The following FABP12 variants were observed in gnomAD, a reference collection of about 807,000 sequenced individuals.
FABP12 encodes fatty acid-binding protein 12.
Under a neutral mutation model 13.7 loss-of-function variants are expected in FABP12, and 19 were observed. The ratio of observed to expected loss-of-function variants is 1.39; its 90% confidence interval spans 0.97 to 2.04. The LOEUF (loss-of-function observed/expected upper bound fraction) is 2.04, where lower values mean the gene tolerates loss of function less well. FABP12 is among the 30% of genes most tolerant of loss of function. FABP12 has a pLI of 0.00. For synonymous variants in FABP12, 61 were observed against 57.0 expected, an observed-to-expected ratio of 1.07 and a Z score of -0.32; for missense variants, 182 against 164.2, an observed-to-expected ratio of 1.11 and a Z score of -0.59.
chr8:81,528,115 T>C (rs181379905), intron 3 of FABP12, among the ~76,000 whole-genome samples: 2 of 152,270 alleles, frequency 1.3e-5, no homozygotes, highest in East Asian at 1.9e-4. Context: ...GGTATCACTG[T>C]GTCATCCAGG....
chr8:81,583,525 C>G (rs1421516004), intron 1 of FABP12, among the ~76,000 whole-genome samples: 2 of 152,024 alleles, frequency 1.3e-5, no homozygotes, highest in African/African-American at 4.8e-5. Context: ...TAACCGATAT[C>G]ACAGAAATAC....
At chr8:81,531,936 A>C (rs6473283) in intron 1 of FABP12, among the ~76,000 whole-genome samples, 52,819 of 151,542 alleles carry the variant, frequency 0.35, 12,337 homozygotes, top group African/African-American at 0.68. Context: ...TCATGTTACA[A>C]ACACATGCAC....
At chr8:81,541,910 TAAAAAAA>T (rs1167487132) in intron 1 of FABP12, among the ~76,000 whole-genome samples, 17 of 71,154 alleles carry the variant, frequency 2.4e-4, no homozygotes, top group African/African-American at 5.8e-4. Flanking sequence ...TCCCAGGGTT[TAAAAAAA>T]AAAAAAAAAA....
intron 1 of FABP12, among the ~76,000 whole-genome samples, chr8:81,565,109 T>A (rs1483141429): frequency 1.3e-5 from 2 of 151,862 alleles, no homozygotes; most frequent in Non-Finnish European, 2.9e-5. Context: ...TGTATAATGA[T>A]AAAGGGGCCA....
upstream of FABP12, among the ~76,000 whole-genome samples, chr8:81,535,337 G>A (rs1283507654): frequency 6.6e-6 from 1 of 152,202 alleles, no homozygotes; most frequent in East Asian, 1.9e-4. Context: ...TCAAGGGATG[G>A]AGAGAGGATA....
chr8:81,589,912 T>A (rs1015658105), intron 1 of FABP12, among the ~76,000 whole-genome samples: 10 of 152,232 alleles, frequency 6.6e-5, no homozygotes, highest in African/African-American at 2.4e-4. Flanking sequence ...TTGTTCATAA[T>A]TTTGAGCCAC....
chr8:81,534,912 T>C, upstream of FABP12, among the ~76,000 whole-genome samples: 1 of 152,082 alleles, frequency 6.6e-6, no homozygotes, highest in East Asian at 1.9e-4. Flanking sequence ...CACTCCAGCC[T>C]GGGCAACAGA....
chr8:81,568,905 A>G (rs1157937889), intron 1 of FABP12, among the ~76,000 whole-genome samples: 1 of 152,192 alleles, frequency 6.6e-6, no homozygotes, highest in African/African-American at 2.4e-5. Context: ...GGAGCTAAAA[A>G]TTAAAGCAAC....
At chr8:81,529,400 C>A (rs751939420) in intron 3 of FABP12, 38 bp downstream of exon 3, 1 of 1,603,330 alleles carries the variant, frequency 6.2e-7, no homozygotes, top group South Asian at 1.1e-5. Context: ...GACTAACATT[C>A]TTTTGAAATG....
At chr8:81,564,213 A>G (rs894071533) in intron 1 of FABP12, among the ~76,000 whole-genome samples, 3 of 152,190 alleles carry the variant, frequency 2.0e-5, no homozygotes, top group Admixed American at 2.0e-4. Context: ...AGAAATAAAG[A>G]CTTTGCCAGA....
chr8:81,526,355 T>C (rs2129918405), intron 4 of FABP12: 1 of 152,266 alleles, frequency 6.6e-6, no homozygotes, highest in African/African-American at 2.4e-5. Context: ...GGAAACCATC[T>C]GAAAGGGAGC....
At chr8:81,566,186 C>T (rs1179935464) in intron 1 of FABP12, among the ~76,000 whole-genome samples, 2 of 151,918 alleles carry the variant, frequency 1.3e-5, no homozygotes, top group Admixed American at 6.5e-5. Context: ...AGTCTTCCAG[C>T]AAAGAATGCC....
chr8:81,532,489 A>G (rs1422827941), intron 1 of FABP12, among the ~76,000 whole-genome samples: 3 of 152,262 alleles, frequency 2.0e-5, no homozygotes, highest in South Asian at 4.1e-4. Context: ...AAAATTTTGC[A>G]TACACTACTG....
upstream of FABP12, among the ~76,000 whole-genome samples, chr8:81,536,829 C>T (rs1809233877): frequency 6.6e-6 from 1 of 152,174 alleles, no homozygotes; most frequent in Non-Finnish European, 1.5e-5. Flanking sequence ...AACACAACCA[C>T]ACTTATTCCT....
chr8:81,557,157 G>A lies in FABP12; in HGVS notation c.-184-17414C>T, dbSNP rs538040050. ...CCCAAAGTGCTGGGATTGCAGGCATGAGCCACCGCACCTGGCCAAGCTCAC... is the reference window on the plus strand; with the variant it reads ...CCCAAAGTGCTGGGATTGCAGGCATAAGCCACCGCACCTGGCCAAGCTCAC... On this transcript the variant is annotated intron_variant, in intron 1 of 5. Coordinates refer to the FABP12 transcript ENST00000692030. 2.3e-4 allele frequency among the ~76,000 whole-genome samples: 35 copies of A among 152,214 alleles called. 1 individual carries two copies. The South Asian group carries it at 6.2e-3, about 27-fold the overall frequency.
At chr8:81,575,798 A>G (rs959121595) in intron 1 of FABP12, among the ~76,000 whole-genome samples, 7 of 152,168 alleles carry the variant, frequency 4.6e-5, no homozygotes, top group Admixed American at 2.0e-4. Context: ...CAGTGGCAGC[A>G]TTAGATTCTT....
intron 1 of FABP12, among the ~76,000 whole-genome samples, chr8:81,549,585 G>A (rs190750909): frequency 6.6e-6 from 1 of 152,254 alleles, no homozygotes. Context: ...AAAGTTCACT[G>A]AACTGTGAGT....
intron 1 of FABP12, among the ~76,000 whole-genome samples, chr8:81,577,252 C>T (rs1810063873): frequency 6.6e-6 from 1 of 152,138 alleles, no homozygotes; most frequent in South Asian, 2.1e-4. Flanking sequence ...CCACATTTGA[C>T]ATACACTGAA....
upstream of FABP12, among the ~76,000 whole-genome samples, chr8:81,534,914 G>T (rs1316059451): frequency 6.6e-6 from 1 of 151,862 alleles, no homozygotes; most frequent in African/African-American, 2.4e-5. Flanking sequence ...CTCCAGCCTG[G>T]GCAACAGAGT....
Sources: allele counts gnomAD v4.1 joint callset (sites outside exome capture counted in the v4.1 genomes callset), GRCh38; gene constraint gnomAD v4.1.1; transcripts MANE v1.5; gene names NCBI Gene and HGNC (gene_info 2026-07-23, HGNC 2026-07-21).